Variants in RIPOR3 observed in about 807,000 individuals in gnomAD.
RIPOR3 encodes the protein family with sequence similarity 65 member C.
Under a neutral mutation model 114.3 loss-of-function variants are expected in RIPOR3, and 95 were observed. The ratio of observed to expected loss-of-function variants is 0.83; its 90% confidence interval spans 0.70 to 0.99. RIPOR3 has a LOEUF of 0.99. RIPOR3 is among the 50% of genes least tolerant of loss of function. The pLI is 0.00. For missense variants in RIPOR3, 1,252 were observed against 1,266.9 expected (o/e 0.99, Z 0.18); for synonymous variants, 575 against 543.8 (o/e 1.06, Z -0.80).
chr20:50,596,376 C>G, intron 14 of RIPOR3, 113 bp from the exon 15 acceptor site: 1 of 1,447,544 alleles, frequency 6.9e-7, no homozygotes, highest in Non-Finnish European at 9.5e-7. Flanking sequence ...CACTCCAGGT[C>G]CCAGGAAGTT....
rs539362071 is a variant in RIPOR3, at chr20:50,645,208, T to C, written c.4-14352A>G. On this transcript the variant is annotated intron_variant, in intron 1 of 21. Transcript: ENST00000327979. ...AGCCAGCTCCAGAGAGGCCTTGTTC[T>C]GTGGTGTCTAAGGATGGAGCCCAGG... is the stretch of plus-strand genomic sequence containing the variant. Among the ~76,000 whole-genome samples, 5 of 152,328 alleles carry C rather than the reference T, an allele frequency of 3.3e-5. No individual in the cohort carries two copies. In the South Asian group the frequency reaches 1.0e-3, roughly 32 times the overall value.
At chr20:50,688,353 T>C (rs1303381400) in intron 1 of RIPOR3, among the ~76,000 whole-genome samples, 1 of 151,986 alleles carries the variant, frequency 6.6e-6, no homozygotes, top group East Asian at 1.9e-4. Context: ...TGGGGTCTTG[T>C]TATGTTGCCC....
chr20:50,605,031 T>C (rs2083655842), intron 11 of RIPOR3, among the ~76,000 whole-genome samples: 1 of 152,210 alleles, frequency 6.6e-6, no homozygotes, highest in South Asian at 2.1e-4. Flanking sequence ...CAAGCGATCC[T>C]CCTGCCTCAG....
chr20:50,669,176 C>T (rs1433899501), intron 1 of RIPOR3, among the ~76,000 whole-genome samples: 2 of 152,190 alleles, frequency 1.3e-5, no homozygotes, highest in Non-Finnish European at 2.9e-5. Flanking sequence ...CACACATGCA[C>T]ATACACACTC....
chr20:50,666,556 T>C (rs993034805), intron 1 of RIPOR3, among the ~76,000 whole-genome samples: 6 of 143,188 alleles, frequency 4.2e-5, no homozygotes, highest in African/African-American at 1.6e-4. Flanking sequence ...GTTTTGTTTG[T>C]TTTTTGTTGT....
intron 1 of RIPOR3, among the ~76,000 whole-genome samples, chr20:50,681,357 A>G (rs6020684): frequency 0.11 from 17,095 of 151,332 alleles, 1,680 homozygotes; most frequent in African/African-American, 0.26. Flanking sequence ...GACGTGATGT[A>G]ACTGCTCAGA....
chr20:50,648,963 A>G (rs6020665), intron 1 of RIPOR3, among the ~76,000 whole-genome samples: 78,476 of 151,980 alleles, frequency 0.52, 24,304 homozygotes, highest in African/African-American at 0.88. Flanking sequence ...AGGGGTTGGG[A>G]ACCCTTGCTC....
At chr20:50,670,792 C>T (rs1373759134) in intron 1 of RIPOR3, among the ~76,000 whole-genome samples, 3 of 152,198 alleles carry the variant, frequency 2.0e-5, no homozygotes, top group South Asian at 2.1e-4. Context: ...ATGTAGTTGG[C>T]TTCCTCTGGA....
chr20:50,660,749 CT>C (rs58201824), intron 1 of RIPOR3, among the ~76,000 whole-genome samples: 28,235 of 83,244 alleles, frequency 0.34, 3,701 homozygotes, highest in Non-Finnish European at 0.44. Context: ...TGGGATTTAC[CT>C]TTTTTTTTTT....
At chr20:50,666,227 T>TTTTCTCTTCTCCTC (rs1355256257) in intron 1 of RIPOR3, among the ~76,000 whole-genome samples, 1 of 14,514 alleles carries the variant, frequency 6.9e-5, no homozygotes, top group Admixed American at 1.7e-3. Flanking sequence ...CTTTTCTTTT[T>TTTTCTCTTCTCCTC]TGAGACGGAG....
At chr20:50,670,987 G>T (rs1428251448) in intron 1 of RIPOR3, among the ~76,000 whole-genome samples, 5 of 152,094 alleles carry the variant, frequency 3.3e-5, no homozygotes, top group Non-Finnish European at 7.4e-5. Flanking sequence ...GAGTGCAGTG[G>T]TGTGATCTCC....
intron 1 of RIPOR3, among the ~76,000 whole-genome samples, chr20:50,685,598 C>T (rs73615319): frequency 3.3e-5 from 5 of 149,922 alleles, no homozygotes; most frequent in South Asian, 2.1e-4. Flanking sequence ...CCAAGGTGGG[C>T]GGATCACCTG....
At chr20:50,607,051 T>C (rs2426167) in intron 11 of RIPOR3, among the ~76,000 whole-genome samples, 22,578 of 152,130 alleles carry the variant, frequency 0.15, 2,191 homozygotes, top group African/African-American at 0.27. Context: ...TTTAATAAAG[T>C]CCTGCTGCTT....
intron 15 of RIPOR3, 84 bp from the exon 16 acceptor site, chr20:50,595,588 G>A (rs887930873): frequency 1.3e-6 from 2 of 1,555,478 alleles, no homozygotes; most frequent in South Asian, 1.2e-5. Flanking sequence ...CCACCTGCTT[G>A]TGCCCATCTC....
intron 1 of RIPOR3, among the ~76,000 whole-genome samples, chr20:50,672,890 G>A (rs1407508811): frequency 6.6e-6 from 1 of 152,212 alleles, no homozygotes; most frequent in Non-Finnish European, 1.5e-5. Context: ...ACAGATCCTT[G>A]ATGTCCACAG....
chr20:50,610,237 TCCTGCCACC>T (rs1473030999), intron 6 of RIPOR3, among the ~76,000 whole-genome samples: 2 of 127,186 alleles, frequency 1.6e-5, no homozygotes, highest in Non-Finnish European at 3.4e-5. Context: ...CTCCTGCCTC[TCCTGCCACC>T]CCTGCCTCAC....
At chr20:50,630,050 C>G (rs1568892475) in intron 2 of RIPOR3, among the ~76,000 whole-genome samples, 1 of 151,766 alleles carries the variant, frequency 6.6e-6, no homozygotes, top group African/African-American at 2.4e-5. Context: ...ACACTGCAAC[C>G]TCCACCTCCT....
At chr20:50,649,522 T>C (rs797016885) in intron 1 of RIPOR3, among the ~76,000 whole-genome samples, 1 of 152,158 alleles carries the variant, frequency 6.6e-6, no homozygotes, top group South Asian at 2.1e-4. Context: ...CCTGACACTT[T>C]CCCTCTGGAG....
At position 50,592,411 on chromosome 20, in the gene RIPOR3, G is replaced by A. The variant is rs374361540; in HGVS notation, c.2510C>T (p.Pro837Leu). 18 of 1,611,774 alleles carry A rather than the reference G, an allele frequency of 1.1e-5. No homozygotes were observed. Among genetic ancestry groups the A allele is most frequent in the Middle Eastern group, 1.7e-4 (1 of 6,058 alleles). ...AGCGCTGGCCGCCCTGCACACCCTC[G>A]GAGTGCCGTCCAGCTGGAGCAGCGC... ...AWALLQLDGT[P>L]RVCRAASARL... is the part of the protein sequence containing the mutation. Residue 837 changes from proline to leucine, a missense_variant, in exon 19 of 22, where the codon CCG (proline) becomes CTG (leucine). Pro to Leu is a moderately conservative substitution (Grantham distance 98, BLOSUM62 -3). Coordinates refer to ENST00000327979, the MANE Select transcript of RIPOR3 (RefSeq NM_001290268.2).
Sources: allele counts gnomAD v4.1 joint callset (sites outside exome capture counted in the v4.1 genomes callset), GRCh38; gene constraint gnomAD v4.1.1; transcripts MANE v1.5; gene names NCBI Gene and HGNC (gene_info 2026-07-23, HGNC 2026-07-21).